Variants in RIOX2 observed in about 807,000 individuals in gnomAD.
RIOX2 encodes the protein 60S ribosomal protein L27a histidine hydroxylase.
A neutral mutation model predicts 51.2 loss-of-function variants in RIOX2; 43 were observed. The observed-to-expected ratio is 0.84, with a 90% CI of 0.66 to 1.08. The LOEUF (loss-of-function observed/expected upper bound fraction) is 1.08. Ranked by LOEUF, RIOX2 falls within the 50% of genes least tolerant of loss-of-function variation. RIOX2 has a pLI of 0.00. For missense variants in RIOX2, 566 were observed against 561.7 expected (o/e 1.01, Z -0.08); for synonymous variants, 226 against 218.5 (o/e 1.03, Z -0.30).
In RIOX2 at chr3:97,967,698, C is replaced by A; in HGVS notation, c.-39-66G>T. 4 of 1,107,164 alleles carry A rather than the reference C, an allele frequency of 3.6e-6. No individual in the cohort carries two copies. In the East Asian group the frequency reaches 7.5e-5, roughly 21 times the overall value. The allele number at this position is 1,107,164 out of a possible 1,614,324, so 68.6% of individuals were successfully genotyped here. On this transcript the variant is annotated intron_variant, in intron 1 of 9. Coordinates refer to ENST00000394198, the MANE Select transcript of RIOX2 (RefSeq NM_153182.4). ...AGTGCCAGCATTGGTGTTAGTGGAT[C>A]GCGCGCACACACAACTGAATGACCA...
In RIOX2 at chr3:97,947,423, C is replaced by T. The variant is rs1252141065; in HGVS notation, c.1087G>A (p.Val363Ile). ...TGGTCTTTAAACTGCAGTCTCACTA[C>T]ACTGTCCAGCCTCGGTAACTTTCCA... ...PGGKLPRLDS[V>I]VRLQFKDHIV... Residue 363 changes from valine to isoleucine, a missense_variant, in exon 8 of 10, where the codon GTA becomes ATA. Val to Ile is a conservative substitution (Grantham distance 29, BLOSUM62 3). Transcript: ENST00000394198. 20 of 1,613,504 alleles carry T rather than the reference C, an allele frequency of 1.2e-5. No homozygotes were observed. Among genetic ancestry groups the T allele is most frequent in the Non-Finnish European group, 1.7e-5 (20 of 1,179,558 alleles).
At chr3:97,967,762 T>C in intron 1 of RIOX2, 130 bp from the exon 2 acceptor site, 5 of 629,904 alleles carry the variant, frequency 7.9e-6, no homozygotes, top group South Asian at 5.0e-5. Context: ...TCAAAGCTAC[T>C]TCCCCCAGGA....
rs898203341 is a variant in RIOX2 at position 97,943,641 on chromosome 3, G to A, written c.*1543C>T. 30 of 277,350 alleles carry A rather than the reference G, an allele frequency of 1.1e-4. No individual in the cohort carries two copies. Among genetic ancestry groups the A allele is most frequent in the African/African-American group, 4.1e-4 (18 of 43,500 alleles). The allele number at this position is 277,350 out of a possible 1,614,324, so 17.2% of individuals were successfully genotyped here. A position where few individuals can be genotyped will look rare whatever the true frequency, so the allele number is the denominator to read the frequency against. ...ACGTGAATCCTGTTCCTGATGGCCC[G>A]TTATTGGACACTGGTGATGCTATTA... On this transcript the variant is annotated 3_prime_UTR_variant, in exon 10 of 10. Transcript: ENST00000394198.
chr3:97,948,720 CTTCCT>C (rs1705109895), intron 7 of RIOX2, among the ~76,000 whole-genome samples: 1 of 152,166 alleles, frequency 6.6e-6, no homozygotes, highest in Admixed American at 6.5e-5. Context: ...CAAAGCCCTG[CTTCCT>C]TGAACCCTCT....
chr3:97,948,561 C>T (rs1280467477), intron 7 of RIOX2, among the ~76,000 whole-genome samples: 2 of 152,096 alleles, frequency 1.3e-5, no homozygotes, highest in South Asian at 2.1e-4. Flanking sequence ...CAACACTGAC[C>T]GAACATCCCC....
chr3:97,942,434 G>A lies in RIOX2; in HGVS notation c.*2750C>T. On this transcript the variant is annotated 3_prime_UTR_variant, in exon 10 of 10. Coordinates refer to ENST00000394198, the MANE Select transcript of RIOX2 (RefSeq NM_153182.4). Reference sequence around the variant, plus strand: ...TTATCTCAGTGATCAACTTGTCCTTGATGTTAAAGGTGGGCCTTTGATGAT... The same window carrying A: ...TTATCTCAGTGATCAACTTGTCCTTAATGTTAAAGGTGGGCCTTTGATGAT... 3 of 1,609,416 alleles carry A rather than the reference G, an allele frequency of 1.9e-6. No homozygotes were observed. The highest frequency in any genetic ancestry group is 2.2e-5 in the East Asian group (1 of 44,792).
intron 1 of RIOX2, chr3:97,971,956 C>G (rs529758903): frequency 6.6e-6 from 1 of 152,322 alleles, no homozygotes; most frequent in South Asian, 2.1e-4. Context: ...TCTCTTAGGC[C>G]CGACATGACG....
At position 97,967,364 on chromosome 3, in the gene RIOX2, T is replaced by C. The variant is rs767941015; in HGVS notation, c.230A>G (p.Tyr77Cys). ...ATCTGTTAGCTTGAACAGGGACCCA[T>C]AGTATGTGGCCAGTGCAGGGTCATC... ...QRDDPALATY[Y>C]GSLFKLTDLK... Residue 77 changes from tyrosine (Y) to cysteine (C), a missense_variant, in exon 2 of 10, where the codon TAT becomes TGT. By Grantham distance (194) the Tyr-to-Cys change is radical. Coordinates refer to ENST00000394198, the MANE Select transcript of RIOX2 (RefSeq NM_153182.4). 2.3e-5 allele frequency: 37 copies of C among 1,613,998 alleles called. No homozygotes were observed. The highest frequency in any genetic ancestry group is 4.0e-5 in the African/African-American group (3 of 74,898).
In RIOX2 at chr3:97,942,652, G is replaced by A. The variant is rs2040257529; in HGVS notation, c.*2532C>T. Reference sequence around the variant, plus strand: ...CAAAGCTTAGGGTTTTTGTTCATTAGTACAGTTGTAAAACTTTCATTTGCT... The same window carrying A: ...CAAAGCTTAGGGTTTTTGTTCATTAATACAGTTGTAAAACTTTCATTTGCT... On this transcript the variant is annotated 3_prime_UTR_variant, in exon 10 of 10. Transcript: ENST00000394198. The A allele has an allele frequency of 4.4e-6, 2 of 454,914 alleles. No homozygotes were observed. Among genetic ancestry groups the A allele is most frequent in the Non-Finnish European group, 3.9e-6 (1 of 259,534 alleles). 28.2% of individuals were successfully genotyped at this position (454,914 alleles called of 1,614,324 possible).
At position 97,949,886 on chromosome 3, in the gene RIOX2, G is replaced by C; in HGVS notation, c.1018C>G (p.Pro340Ala). 6.2e-7 allele frequency: 1 copy of C among 1,613,768 alleles called. No homozygotes were observed. The highest frequency in any genetic ancestry group is 8.5e-7 in the Non-Finnish European group (1 of 1,179,930). The stretch of plus-strand genomic sequence containing the variant: ...GCCCCATCTCCCGCAGAGTAAGGGG[G>C]GAGTCTGTGCATAATAAAATCCTTC... ...MKKDFIMHRL[P>A]PYSAGDGAEL... Residue 340 changes from proline (P) to alanine (A), a missense_variant, in exon 7 of 10, where the codon CCC becomes GCC. Transcript: ENST00000394198.
chr3:97,967,230 G>GA lies in RIOX2; in HGVS notation c.363dup (p.Leu122SerfsTer8). ...TGATCAAAATCTTTTCTCAGCTGAA[G>GA]AAAGTGTGCTTTGCCATCTTTATTT... On this transcript the variant is annotated frameshift_variant, in exon 2 of 10. Transcript: ENST00000394198. LOFTEE classifies it high-confidence loss of function. 6.2e-7 allele frequency: 1 copy of GA among 1,614,216 alleles called. No individual in the cohort carries two copies. The highest frequency in any genetic ancestry group is 8.5e-7 in the Non-Finnish European group (1 of 1,180,040).
At position 97,943,157 on chromosome 3, in the gene RIOX2, G is replaced by C; in HGVS notation, c.*2027C>G. The C allele has an allele frequency of 2.4e-6, 2 of 840,092 alleles. No individual in the cohort carries two copies. The highest frequency in any genetic ancestry group is 3.9e-6 in the Non-Finnish European group (2 of 510,026). The allele number at this position is 840,092 out of a possible 1,614,324, so 52.0% of individuals were successfully genotyped here. A position where few individuals can be genotyped will look rare whatever the true frequency, so the allele number is the denominator to read the frequency against. ...GAAATGGTGAGCTGAACAGAAGCTTGTGAAAATTGTGAAATTGCTAAGCAC... is the reference window on the plus strand; with the variant it reads ...GAAATGGTGAGCTGAACAGAAGCTTCTGAAAATTGTGAAATTGCTAAGCAC... On this transcript the variant is annotated 3_prime_UTR_variant, in exon 10 of 10. Coordinates refer to ENST00000394198, the MANE Select transcript of RIOX2 (RefSeq NM_153182.4).
At chr3:97,947,332 C>A in intron 8 of RIOX2, 29 bp downstream of exon 8, 1 of 1,558,590 alleles carries the variant, frequency 6.4e-7, no homozygotes, top group Admixed American at 1.7e-5. Context: ...CCTGAGAAGA[C>A]AGGAAATCTC....
At chr3:97,946,604 ATATC>A (rs1553712245) in intron 8 of RIOX2, among the ~76,000 whole-genome samples, 1 of 139,718 alleles carries the variant, frequency 7.2e-6, no homozygotes, top group African/African-American at 2.7e-5. Context: ...ATATATATAT[ATATC>A]TATTCATGTA....
intron 5 of RIOX2, chr3:97,954,099 T>G: frequency 6.4e-6 from 2 of 313,674 alleles, no homozygotes; most frequent in Non-Finnish European, 1.2e-5. Context: ...CTGGCATCAC[T>G]AACACACTGA....
intron 2 of RIOX2, among the ~76,000 whole-genome samples, chr3:97,964,481 G>C (rs1705799865): frequency 6.6e-6 from 1 of 151,708 alleles, no homozygotes; most frequent in Non-Finnish European, 1.5e-5. Context: ...ACAAGATCAG[G>C]AGTTCAAGGC....
intron 3 of RIOX2, among the ~76,000 whole-genome samples, chr3:97,959,866 G>A (rs527731123): frequency 2.6e-5 from 4 of 152,190 alleles, no homozygotes; most frequent in African/African-American, 9.6e-5. Context: ...AATACTTCTA[G>A]ACCACCATTT....
At chr3:97,954,058 TA>T (rs769458976) in intron 5 of RIOX2, 122 of 214,858 alleles carry the variant, frequency 5.7e-4, no homozygotes, top group East Asian at 9.3e-4. Flanking sequence ...TTTATCATAT[TA>T]AAAAAAAAGA....
chr3:97,959,900 T>G (rs1705612717), intron 3 of RIOX2, among the ~76,000 whole-genome samples: 1 of 152,168 alleles, frequency 6.6e-6, no homozygotes, highest in South Asian at 2.1e-4. Context: ...GTAAACAAAC[T>G]TAAAGATGCA....
Sources: gnomAD v4.1 joint callset for allele counts (sites outside exome capture counted in the v4.1 genomes callset) on GRCh38, gnomAD v4.1.1 for gene constraint, MANE v1.5 for transcripts, NCBI Gene and HGNC (gene_info 2026-07-23, HGNC 2026-07-21) for gene names.